The following DDC variants were observed in gnomAD, a reference collection of about 807,000 sequenced individuals.
DDC encodes the protein aromatic-L-amino-acid decarboxylase.
In DDC, 43 loss-of-function variants were observed where a neutral mutation model predicts 60.0. The observed-to-expected ratio is 0.72, with a 90% CI of 0.56 to 0.92. The LOEUF is 0.92. DDC is among the 40% of genes least tolerant of loss of function. The pLI is 0.00. For synonymous variants in DDC, 232 were observed against 234.6 expected, an observed-to-expected ratio of 0.99 and a Z score of 0.10; for missense variants, 573 against 620.2, an observed-to-expected ratio of 0.92 and a Z score of 0.81.
intron 1 of DDC, among the ~76,000 whole-genome samples, chr7:50,547,581 C>A (rs966790017): frequency 1.3e-4 from 20 of 152,204 alleles, no homozygotes; most frequent in African/African-American, 4.8e-4. Flanking sequence ...GCCATATTCA[C>A]AACATGTACC....
chr7:50,523,750 C>T (rs1440728023), intron 6 of DDC, among the ~76,000 whole-genome samples: 1 of 152,186 alleles, frequency 6.6e-6, no homozygotes, highest in African/African-American at 2.4e-5. Flanking sequence ...CTTTGAAACA[C>T]AGTTCAGCCT....
At chr7:50,493,228 G>T (rs894613611) in intron 9 of DDC, among the ~76,000 whole-genome samples, 33 of 152,142 alleles carry the variant, frequency 2.2e-4, no homozygotes, top group African/African-American at 7.5e-4. Context: ...GTACCTATCC[G>T]CAGTCACTAA....
chr7:50,483,323 C>T (rs1313740262), intron 9 of DDC, among the ~76,000 whole-genome samples: 1 of 152,140 alleles, frequency 6.6e-6, no homozygotes, highest in African/African-American at 2.4e-5. Flanking sequence ...TACTATTAAA[C>T]CATCCTGCCA....
chr7:50,547,081 G>A (rs1404091258), intron 1 of DDC, among the ~76,000 whole-genome samples: 2 of 152,184 alleles, frequency 1.3e-5, no homozygotes, highest in Non-Finnish European at 2.9e-5. Flanking sequence ...TCAAGTGGAA[G>A]TATTTCAAAT....
intron 6 of DDC, among the ~76,000 whole-genome samples, chr7:50,507,545 A>G (rs2043435879): frequency 6.6e-6 from 1 of 152,182 alleles, no homozygotes; most frequent in South Asian, 2.1e-4. Context: ...AACTTCTATT[A>G]TTAAAAATTT....
chr7:50,555,711 A>G (rs1306019036), intron 1 of DDC, among the ~76,000 whole-genome samples: 1 of 152,206 alleles, frequency 6.6e-6, no homozygotes, highest in Non-Finnish European at 1.5e-5. Flanking sequence ...TGGTTCTCGT[A>G]TTTAATCTTC....
intron 11 of DDC, among the ~76,000 whole-genome samples, chr7:50,471,207 C>T (rs2042522662): frequency 6.6e-6 from 1 of 152,188 alleles, no homozygotes; most frequent in African/African-American, 2.4e-5. Flanking sequence ...GCCTGACCAA[C>T]ATGATGAAAC....
intron 3 of DDC, 179 bp downstream of exon 3, chr7:50,539,736 G>T: frequency 1.6e-6 from 1 of 609,922 alleles, no homozygotes; most frequent in Non-Finnish European, 3.0e-6. Context: ...GTTCTCAATC[G>T]CTACTTTCTC....
At chr7:50,536,582 T>G (rs959258731) in intron 4 of DDC, among the ~76,000 whole-genome samples, 2 of 152,228 alleles carry the variant, frequency 1.3e-5, no homozygotes, top group African/African-American at 4.8e-5. Flanking sequence ...GGAAGCAGAT[T>G]CACCCCTGGA....
In DDC at chr7:50,528,286, A is replaced by G; in HGVS notation, c.571-6T>C. 1 of 1,613,990 alleles carries G rather than the reference A, an allele frequency of 6.2e-7. No homozygotes were observed. Among genetic ancestry groups the G allele is most frequent in the Non-Finnish European group, 8.5e-7 (1 of 1,179,930 alleles). Reference sequence around the variant, plus strand: ...CTTTCCACTGAGGAGTGTGCCTGGAAAGAAGACAGCAGAGTTGGATTTGTA... The same window carrying G: ...CTTTCCACTGAGGAGTGTGCCTGGAGAGAAGACAGCAGAGTTGGATTTGTA... On this transcript the variant is annotated splice_region_variant and splice_polypyrimidine_tract_variant and intron_variant, in intron 5 of 14. Coordinates refer to ENST00000444124, the MANE Select transcript of DDC (RefSeq NM_001082971.2).
At position 50,528,194 on chromosome 7, in the gene DDC, C is replaced by T. The variant is rs1262172516; in HGVS notation, c.657G>A (p.Ala219=). Residue 219 remains alanine (A), a synonymous_variant, in exon 6 of 15, where the codon GCG becomes GCA. Transcript: ENST00000444124. ...TCTCCAGGGCTTCCTGCAGGGCAGA[C>T]GCACGCATGGCGAAGTTGCCATCTG... ...IPSDGNFAMR[A]SALQEALERD... is the part of the protein sequence containing the mutation. 1.2e-6 allele frequency: 2 copies of T among 1,613,998 alleles called. No homozygotes were observed. Among genetic ancestry groups the T allele is most frequent in the African/African-American group, 1.3e-5 (1 of 75,036 alleles).
chr7:50,487,510 C>CT (rs976693947), intron 9 of DDC, among the ~76,000 whole-genome samples: 15 of 151,204 alleles, frequency 9.9e-5, no homozygotes, highest in Middle Eastern at 3.4e-3. Flanking sequence ...TCTATTTAAT[C>CT]TTTTTTTTTG....
chr7:50,507,384 C>A (rs1361228418), intron 6 of DDC, among the ~76,000 whole-genome samples: 3 of 152,044 alleles, frequency 2.0e-5, no homozygotes, highest in African/African-American at 7.2e-5. Context: ...ATTACAGGCA[C>A]CACATCCAGC....
At chr7:50,529,079 C>T in intron 5 of DDC, 129 bp downstream of exon 5, 3 of 1,226,344 alleles carry the variant, frequency 2.4e-6, no homozygotes, top group Non-Finnish European at 3.6e-6. Context: ...TAGTTCAGGT[C>T]TCTATTTAGT....
intron 1 of DDC, among the ~76,000 whole-genome samples, chr7:50,547,487 G>T (rs2044846236): frequency 6.6e-6 from 1 of 152,160 alleles, no homozygotes; most frequent in Non-Finnish European, 1.5e-5. Context: ...AAAGTGCTGG[G>T]ATTGCAGGCA....
chr7:50,548,817 G>A (rs1298200335), intron 1 of DDC, among the ~76,000 whole-genome samples: 1 of 152,190 alleles, frequency 6.6e-6, no homozygotes, highest in Middle Eastern at 3.2e-3. Flanking sequence ...AAGCCCTCTA[G>A]GGCTTTCATA....
chr7:50,504,416 T>A (rs192419784), intron 6 of DDC, among the ~76,000 whole-genome samples: 38 of 152,110 alleles, frequency 2.5e-4, no homozygotes, highest in African/African-American at 9.2e-4. Context: ...TTCTACTTTA[T>A]TAAATATACA....
At chr7:50,523,281 C>A (rs762739027) in intron 6 of DDC, among the ~76,000 whole-genome samples, 2 of 151,794 alleles carry the variant, frequency 1.3e-5, no homozygotes, top group Non-Finnish European at 2.9e-5. Flanking sequence ...TTTTGGAGAC[C>A]ACACCAAAAA....
chr7:50,500,278 T>A (rs778646633), intron 7 of DDC, among the ~76,000 whole-genome samples: 5 of 152,080 alleles, frequency 3.3e-5, no homozygotes, highest in Admixed American at 1.3e-4. Flanking sequence ...GGCGTGAGAC[T>A]CTCAGGGGCA....
Sources: allele counts gnomAD v4.1 joint callset (sites outside exome capture counted in the v4.1 genomes callset), GRCh38; gene constraint gnomAD v4.1.1; transcripts MANE v1.5; gene names NCBI Gene and HGNC (gene_info 2026-07-23, HGNC 2026-07-21).